The following PADI2 variants were observed in gnomAD, a reference collection of about 807,000 sequenced individuals.
The protein encoded by PADI2 is protein-arginine deiminase type-2.
Under a neutral mutation model 81.1 loss-of-function variants are expected in PADI2, and 70 were observed. The ratio of observed to expected loss-of-function variants is 0.86; its 90% confidence interval spans 0.71 to 1.05. The LOEUF is 1.05. Ranked by LOEUF, PADI2 falls within the 50% of genes least tolerant of loss-of-function variation. The pLI is 0.00. For synonymous variants in PADI2, 338 were observed against 358.0 expected, an observed-to-expected ratio of 0.94 and a Z score of 0.63; for missense variants, 853 against 889.9, an observed-to-expected ratio of 0.96 and a Z score of 0.53.
intron 2 of PADI2, among the ~76,000 whole-genome samples, chr1:17,104,431 C>CTTTTCTTTTTTTTTT: frequency 2.5e-5 from 2 of 79,790 alleles, no homozygotes; most frequent in Non-Finnish European, 4.4e-5. Context: ...TTTGCCTTTT[C>CTTTTCTTTTTTTTTT]TTTTTTTTTT....
Position 17,119,378 on chromosome 1 carries a change from C to T in PADI2, c.-7G>A, listed in dbSNP as rs778947130. 60 of 1,526,418 alleles carry T rather than the reference C, an allele frequency of 3.9e-5. 1 individual carries two copies. In the South Asian group the frequency reaches 5.9e-4, roughly 15 times the overall value. 94.6% of individuals were successfully genotyped at this position (1,526,418 alleles called of 1,614,324 possible). A position where few individuals can be genotyped will look rare whatever the true frequency, so the allele number is the denominator to read the frequency against. ...CGGTCCGCTCGCGCAGCATCCTCCC[C>T]GCCGCAGTGCCCGCGCTCGCTGGTC... On this transcript the variant is annotated 5_prime_UTR_variant, in exon 1 of 16. Transcript: ENST00000375486. This position sits in a 1 kb window ranked among gnomAD's most constrained non-coding sequence, Gnocchi z 4.8.
chr1:17,090,254 A>G (rs1191474449), intron 6 of PADI2, among the ~76,000 whole-genome samples: 1 of 152,218 alleles, frequency 6.6e-6, no homozygotes, highest in East Asian at 1.9e-4. Flanking sequence ...CACCTTCCTC[A>G]TTAGATCCCC....
chr1:17,077,439 C>A (rs913399990), intron 11 of PADI2, among the ~76,000 whole-genome samples: 2 of 152,140 alleles, frequency 1.3e-5, no homozygotes, highest in African/African-American at 4.8e-5. Context: ...AAGGGCCGCC[C>A]CTGAGCTCCT....
rs137914643 is a variant in PADI2 at position 17,106,281 on chromosome 1, CAGG to C, written c.93-1223_93-1221del. 6.7e-3 allele frequency among the ~76,000 whole-genome samples: 1,025 copies of C among 152,216 alleles called. 5 individuals carry two copies. The highest frequency in any genetic ancestry group is 0.047 in the East Asian group (244 of 5,176). On this transcript the variant is annotated intron_variant, in intron 1 of 15. Coordinates refer to ENST00000375486, the MANE Select transcript of PADI2 (RefSeq NM_007365.3). ...CAAGAACTCCGAAAGTATTTCAGAG[CAGG>C]AGAACAAATGGATGTGATCTGGCTG...
chr1:17,104,793 G>T, intron 2 of PADI2, 85 bp downstream of exon 2: 3 of 1,207,792 alleles, frequency 2.5e-6, no homozygotes, highest in South Asian at 1.8e-5. Flanking sequence ...CCCACGTGCA[G>T]TTTCTATGGG....
intron 13 of PADI2, 28 bp downstream of exon 13, chr1:17,074,828 T>G (rs2078290075): frequency 6.7e-7 from 1 of 1,491,640 alleles, no homozygotes; most frequent in African/African-American, 1.4e-5. Flanking sequence ...AGCTCGCCAC[T>G]TCCTGTCAAG....
At chr1:17,093,429 A>G (rs1930779623) in intron 5 of PADI2, 138 bp downstream of exon 5, 1 of 668,014 alleles carries the variant, frequency 1.5e-6, no homozygotes, top group Non-Finnish European at 2.7e-6. Context: ...TTTGGCTTTA[A>G]GCAAGAGTGG....
chr1:17,070,351 C>T, intron 14 of PADI2, 135 bp from the exon 15 acceptor site: 1 of 997,532 alleles, frequency 1.0e-6, no homozygotes, highest in Non-Finnish European at 1.5e-6. Context: ...TCAGCGGGCG[C>T]CTCTGCAGCC....
At chr1:17,070,951 C>T (rs573195615) in intron 14 of PADI2, among the ~76,000 whole-genome samples, 3 of 152,296 alleles carry the variant, frequency 2.0e-5, no homozygotes, top group African/African-American at 7.2e-5. Context: ...CATGAGCCAC[C>T]AGGCCCGGCC....
rs757232277 is a variant in PADI2, at chr1:17,069,266, G to A, written c.1776C>T (p.Ile592=). Residue 592 remains isoleucine (I), a synonymous_variant, in exon 16 of 16, where the codon ATC becomes ATT. Coordinates refer to ENST00000375486, the MANE Select transcript of PADI2 (RefSeq NM_007365.3). ...RAFFPNMVNM[I]VLDKDLGIPK... Reference sequence around the variant, plus strand: ...GGATGCCCAGGTCCTTGTCCAGCACGATCATGTTCACCTGTGACGGGGGAT... The same window carrying A: ...GGATGCCCAGGTCCTTGTCCAGCACAATCATGTTCACCTGTGACGGGGGAT... 3.2e-5 allele frequency: 51 copies of A among 1,613,688 alleles called. 1 individual carries two copies. In the Admixed American group the frequency reaches 6.3e-4, roughly 20 times the overall value.
intron 2 of PADI2, among the ~76,000 whole-genome samples, chr1:17,103,601 C>G (rs1241407605): frequency 6.6e-6 from 1 of 152,068 alleles, no homozygotes; most frequent in Admixed American, 6.6e-5. Flanking sequence ...AGCCTCTAAA[C>G]TTTCTATCAC....
chr1:17,074,451 TCTCGAA>T (rs1653199646), intron 13 of PADI2, among the ~76,000 whole-genome samples: 1 of 151,548 alleles, frequency 6.6e-6, no homozygotes, highest in Admixed American at 6.6e-5. Context: ...CCCAGATTGG[TCTCGAA>T]CTCCTGGACT....
At chr1:17,086,293 A>G (rs1930412972) in intron 7 of PADI2, among the ~76,000 whole-genome samples, 1 of 152,126 alleles carries the variant, frequency 6.6e-6, no homozygotes, top group East Asian at 1.9e-4. Flanking sequence ...GCCCACAGGG[A>G]ATCCGTGGGG....
intron 6 of PADI2, among the ~76,000 whole-genome samples, chr1:17,089,108 A>G (rs1930580475): frequency 6.6e-6 from 1 of 152,070 alleles, no homozygotes; most frequent in African/African-American, 2.4e-5. Flanking sequence ...TATTACGAGG[A>G]TGTGAAGGAG....
chr1:17,108,842 A>C (rs1435837708), intron 1 of PADI2, among the ~76,000 whole-genome samples: 1 of 152,216 alleles, frequency 6.6e-6, no homozygotes, highest in Non-Finnish European at 1.5e-5. Flanking sequence ...TTATAGTGAG[A>C]CAGGTTGAAG....
At chr1:17,104,807 G>A in intron 2 of PADI2, 71 bp downstream of exon 2, 4 of 1,351,824 alleles carry the variant, frequency 3.0e-6, no homozygotes, top group Non-Finnish European at 4.0e-6. Flanking sequence ...CTATGGGACA[G>A]GGCTGGTCCA....
Position 17,079,398 on chromosome 1 carries a change from G to A in PADI2, c.1176C>T (p.Tyr392=), listed in dbSNP as rs535364484. The A allele has an allele frequency of 2.2e-5, 35 of 1,613,810 alleles. No individual in the cohort carries two copies. Among genetic ancestry groups the A allele is most frequent in the Middle Eastern group, 1.7e-4 (1 of 6,058 alleles). Residue 392 remains tyrosine, a synonymous_variant, in exon 11 of 16, where the codon TAC becomes TAT. Coordinates refer to ENST00000375486, the MANE Select transcript of PADI2 (RefSeq NM_007365.3). ...VKELLGPDFG[Y]VTREPLFESV... ...ACTCAAAGAGGGGCTCCCGGGTCACGTAGCCAAAATCTGGGCCCTAGGCAG... is the reference window on the plus strand; with the variant it reads ...ACTCAAAGAGGGGCTCCCGGGTCACATAGCCAAAATCTGGGCCCTAGGCAG...
chr1:17,090,366 G>A (rs1930644350), intron 6 of PADI2, among the ~76,000 whole-genome samples: 1 of 152,184 alleles, frequency 6.6e-6, no homozygotes, highest in South Asian at 2.1e-4. Context: ...GACTTGCCTG[G>A]ACCCAGAATT....
chr1:17,107,423 C>T (rs953274512), intron 1 of PADI2, among the ~76,000 whole-genome samples: 4 of 152,162 alleles, frequency 2.6e-5, no homozygotes, highest in Admixed American at 6.5e-5. Flanking sequence ...TGTAGGCCAG[C>T]GGCTGTCAAA....
Sources: allele counts gnomAD v4.1 joint callset (sites outside exome capture counted in the v4.1 genomes callset), GRCh38; gene constraint gnomAD v4.1.1; non-coding constraint Gnocchi (gnomAD v3.1); transcripts MANE v1.5; gene names NCBI Gene and HGNC (gene_info 2026-07-23, HGNC 2026-07-21).